ZSCAN29: variants seen among roughly 807,000 people sequenced by gnomAD.
The protein encoded by ZSCAN29 is zinc finger and SCAN domain-containing protein 29.
ZSCAN29 carries 55 observed loss-of-function variants against 71.9 expected under a neutral mutation model. That is an observed-to-expected ratio of 0.76 (90% CI 0.62 to 0.96). The LOEUF (loss-of-function observed/expected upper bound fraction) is 0.96. Ranked by LOEUF, ZSCAN29 falls within the 40% of genes least tolerant of loss-of-function variation. The pLI is 0.00. For missense variants in ZSCAN29, 1,042 were observed against 1,042.2 expected, an observed-to-expected ratio of 1.00 and a Z score of 0.00; for synonymous variants, 351 against 371.6, an observed-to-expected ratio of 0.94 and a Z score of 0.64.
At chr15:43,366,076 T>A (rs773301862) in intron 4 of ZSCAN29, 34 bp downstream of exon 4, 1 of 1,557,788 alleles carries the variant, frequency 6.4e-7, no homozygotes, top group Non-Finnish European at 8.7e-7. Flanking sequence ...TCCCCAAGTC[T>A]AATTCCAAAA....
At position 43,360,913 on chromosome 15, in the gene ZSCAN29, T is replaced by G; in HGVS notation, c.*160A>C. ...CATTCTTTAGACTGCCTTGGGGATT[T>G]GAGTCTAGATCAGGAAAAACAAGGA... On this transcript the variant is annotated 3_prime_UTR_variant, in exon 6 of 6. Transcript: ENST00000684362. The G allele has an allele frequency of 1.0e-6, 1 of 980,994 alleles. No individual in the cohort carries two copies. The highest frequency in any genetic ancestry group is 1.5e-6 in the Non-Finnish European group (1 of 667,028). 60.8% of individuals were successfully genotyped at this position (980,994 alleles called of 1,614,324 possible).
At position 43,361,362 on chromosome 15, in the gene ZSCAN29, G is replaced by A. The variant is rs1386282500; in HGVS notation, c.2270C>T (p.Thr757Ile). ...TTCACATTGATAGGGCTTTTCTCCT[G>A]TGTGGGTTCTCTGGTGAATGATAAG... ...SSLIIHQRTH[T>I]GEKPYQCEEC... The change falls in exon 6 of 6, where the codon ACA (threonine) becomes ATA (isoleucine). Residue 757 changes from threonine to isoleucine, a missense_variant. Transcript: ENST00000684362. 3.7e-6 allele frequency: 6 copies of A among 1,614,182 alleles called. No homozygotes were observed. The highest frequency in any genetic ancestry group is 1.1e-5 in the South Asian group (1 of 91,084).
chr15:43,368,525 CAAAAAAAAAAAAAAA>C lies in ZSCAN29; in HGVS notation c.523+383_523+397del, dbSNP rs759913932. Among the ~76,000 whole-genome samples, 6 of 10,226 alleles carry C rather than the reference CAAAAAAAAAAAAAAA, an allele frequency of 5.9e-4. 1 individual carries two copies. The highest frequency in any genetic ancestry group is 5.2e-3 in the Admixed American group (3 of 576). The allele number at this position is 10,226 out of a possible 152,430, so 6.7% of individuals were successfully genotyped here. On this transcript the variant is annotated intron_variant, in intron 3 of 5. Transcript: ENST00000684362. ...TGGGCGACAGAGCGAGACTCCGTCT[CAAAAAAAAAAAAAAA>C]AAAAAAAAAAAAAAAAAAGAATGGA...
Position 43,361,247 on chromosome 15 carries a change from A to C in ZSCAN29, c.2385T>G (p.Cys795Trp). The C allele has an allele frequency of 6.2e-7, 1 of 1,614,186 alleles. No homozygotes were observed. The highest frequency in any genetic ancestry group is 8.5e-7 in the Non-Finnish European group (1 of 1,180,034). The change falls in exon 6 of 6, where the codon TGT becomes TGG. Residue 795 changes from cysteine (C) to tryptophan (W), a missense_variant. Coordinates refer to ENST00000684362, the MANE Select transcript of ZSCAN29 (RefSeq NM_001372080.1). ...TGERPHVCPD[C>W]GKSFSKSSDL... Reference sequence around the variant, plus strand: ...CAGAACTCTTACTGAAACTCTTTCCACAGTCAGGACACACATGGGGTCTCT... The same window carrying C: ...CAGAACTCTTACTGAAACTCTTTCCCCAGTCAGGACACACATGGGGTCTCT...
At position 43,366,389 on chromosome 15, in the gene ZSCAN29, C is replaced by T. The variant is rs143066980; in HGVS notation, c.943G>A (p.Gly315Ser). Reference protein sequence around the residue: ...LQKSYRKVKSGHPPETCPFFE... With the variant: ...LQKSYRKVKSSHPPETCPFFE... ...AAGGGGCAGGTCTCAGGTGGGTGGC[C>T]GCTCTTGACTTTCCGATAGCTCTTC... Residue 315 changes from glycine to serine, a missense_variant, in exon 4 of 6, where the codon GGC (glycine) becomes AGC (serine). By Grantham distance (56) the Gly-to-Ser change is moderately conservative. Transcript: ENST00000684362. 1.7e-4 allele frequency: 273 copies of T among 1,613,968 alleles called. No homozygotes were observed. The highest frequency in any genetic ancestry group is 2.8e-4 in the Admixed American group (17 of 59,990).
At position 43,358,997 on chromosome 15, in the gene ZSCAN29, C is replaced by T. The variant is rs1271664089; in HGVS notation, c.*2076G>A. On this transcript the variant is annotated 3_prime_UTR_variant, in exon 6 of 6. Coordinates refer to ENST00000684362, the MANE Select transcript of ZSCAN29 (RefSeq NM_001372080.1). ...GCCTTCCTTACAGTCTATCCTTTGCCCTTTGTTCCATCTACACAAAACACC... is the reference window on the plus strand; with the variant it reads ...GCCTTCCTTACAGTCTATCCTTTGCTCTTTGTTCCATCTACACAAAACACC... The T allele has an allele frequency of 1.3e-5, 2 of 152,116 alleles. No homozygotes were observed. Among genetic ancestry groups the T allele is most frequent in the East Asian group, 1.9e-4 (1 of 5,188 alleles). The allele number at this position is 152,116 out of a possible 1,614,324, so 9.4% of individuals were successfully genotyped here.
Position 43,363,898 on chromosome 15 carries a change from T to C in ZSCAN29, c.1690+17A>G. 1 of 1,563,464 alleles carries C rather than the reference T, an allele frequency of 6.4e-7. No homozygotes were observed. The highest frequency in any genetic ancestry group is 8.7e-7 in the Non-Finnish European group (1 of 1,153,206). On this transcript the variant is annotated intron_variant, in intron 5 of 5. Coordinates refer to ENST00000684362, the MANE Select transcript of ZSCAN29 (RefSeq NM_001372080.1). Reference sequence around the variant, plus strand: ...CTTCCCTTTGTTATTTATACCATAATAGTGAAATAATCTTACCACGGGGGC... The same window carrying C: ...CTTCCCTTTGTTATTTATACCATAACAGTGAAATAATCTTACCACGGGGGC...
intron 2 of ZSCAN29, 126 bp from the exon 3 acceptor site, chr15:43,369,253 G>C: frequency 1.1e-6 from 1 of 942,632 alleles, no homozygotes; most frequent in Non-Finnish European, 1.5e-6. Context: ...GGGTGAGGGA[G>C]GTTAACGCGA....
Position 43,361,799 on chromosome 15 carries a change from A to G in ZSCAN29, c.1833T>C (p.Cys611=), listed in dbSNP as rs746726024. The G allele has an allele frequency of 3.1e-6, 5 of 1,614,064 alleles. No individual in the cohort carries two copies. Among genetic ancestry groups the G allele is most frequent in the East Asian group, 4.5e-5 (2 of 44,902 alleles). ...TCTTTGCCCACTGTCTTCCTGATCT[A>G]CAGTCACTCTCATTGCCTTTACCCT... ...LHQGKGNESD[C]RSGRQWAKTS... The change falls in exon 6 of 6, where the codon TGT becomes TGC. Residue 611 remains cysteine (C), a synonymous_variant. Coordinates refer to ENST00000684362, the MANE Select transcript of ZSCAN29 (RefSeq NM_001372080.1).
chr15:43,368,652 A>G (rs1488834373), intron 3 of ZSCAN29, among the ~76,000 whole-genome samples: 1 of 152,182 alleles, frequency 6.6e-6, no homozygotes, highest in Non-Finnish European at 1.5e-5. Flanking sequence ...TCAAGTATAG[A>G]AAAGAATTTT....
chr15:43,360,823 G>T lies in ZSCAN29; in HGVS notation c.*250C>A. The T allele has an allele frequency of 2.1e-6, 1 of 479,854 alleles. No homozygotes were observed. The highest frequency in any genetic ancestry group is 3.4e-5 in the South Asian group (1 of 29,732). 29.7% of individuals were successfully genotyped at this position (479,854 alleles called of 1,614,324 possible). On this transcript the variant is annotated 3_prime_UTR_variant, in exon 6 of 6. Coordinates refer to ENST00000684362, the MANE Select transcript of ZSCAN29 (RefSeq NM_001372080.1). The stretch of plus-strand genomic sequence containing the variant: ...ATATTAAGGGAACACCATAGGCACT[G>T]AGAGGGAAAAGATGTTATCCATCAA...
chr15:43,360,777 A>G lies in ZSCAN29; in HGVS notation c.*296T>C, dbSNP rs1041817744. The G allele has an allele frequency of 2.2e-5, 7 of 315,698 alleles. No homozygotes were observed. Among genetic ancestry groups the G allele is most frequent in the Non-Finnish European group, 3.5e-5 (6 of 170,362 alleles). 19.6% of individuals were successfully genotyped at this position (315,698 alleles called of 1,614,324 possible). On this transcript the variant is annotated 3_prime_UTR_variant, in exon 6 of 6. Coordinates refer to ENST00000684362, the MANE Select transcript of ZSCAN29 (RefSeq NM_001372080.1). ...GATGCTTATCAAATTCATAGGATCT[A>G]TTACCTTGTCCTCTGTGCTTATATT...
intron 2 of ZSCAN29, 124 bp downstream of exon 2, chr15:43,369,472 T>C (rs2044075091): frequency 1.8e-6 from 2 of 1,115,394 alleles, no homozygotes; most frequent in South Asian, 1.6e-5. Context: ...AAGTTACCTA[T>C]ACCAGACCAG....
Position 43,364,782 on chromosome 15 carries a change from G to A in ZSCAN29, c.1223-400C>T, listed in dbSNP as rs554259747. Among the ~76,000 whole-genome samples the A allele has an allele frequency of 2.9e-3, 434 of 151,604 alleles. 2 individuals carry two copies. The highest frequency in any genetic ancestry group is 0.01 in the African/African-American group (421 of 41,310). On this transcript the variant is annotated intron_variant, in intron 4 of 5. Coordinates refer to ENST00000684362, the MANE Select transcript of ZSCAN29 (RefSeq NM_001372080.1). Reference sequence around the variant, plus strand: ...GTGCACCTATAGTCCCAGCTACTTGGGAGGCTGAGGCATGAGAATCGAGAA... The same window carrying A: ...GTGCACCTATAGTCCCAGCTACTTGAGAGGCTGAGGCATGAGAATCGAGAA...
intron 1 of ZSCAN29, 95 bp downstream of exon 1, chr15:43,370,463 C>G (rs2044092619): frequency 6.6e-6 from 1 of 152,614 alleles, no homozygotes; most frequent in Admixed American, 6.5e-5. Flanking sequence ...CTGCACAACT[C>G]CCAAAGCCCA....
In ZSCAN29 at chr15:43,361,764, TC is replaced by T. The variant is rs775094737; in HGVS notation, c.1867del (p.Glu623ArgfsTer6). On this transcript the variant is annotated frameshift_variant, in exon 6 of 6. Transcript: ENST00000684362. LOFTEE classifies it high-confidence loss of function. Reference sequence around the variant, plus strand: ...CGGGAGTGTCAGTTTTCCTCTTTTCTCCCCTGAGGTCTTTGCCCACTGTCTT... The same window carrying T: ...CGGGAGTGTCAGTTTTCCTCTTTTCTCCCTGAGGTCTTTGCCCACTGTCTT... ...SGRQWAKTSG[E>X]KRGKLTLPEK... 10 of 1,614,094 alleles carry T rather than the reference TC, an allele frequency of 6.2e-6. No individual in the cohort carries two copies. The African/African-American group carries it at 1.3e-4, about 22-fold the overall frequency.
intron 4 of ZSCAN29, 65 bp downstream of exon 4, chr15:43,366,045 C>G (rs181941476): frequency 6.7e-7 from 1 of 1,500,978 alleles, no homozygotes; most frequent in South Asian, 1.3e-5. Context: ...AGCCTTCTGA[C>G]TCCACATCCA....
intron 3 of ZSCAN29, 130 bp from the exon 4 acceptor site, chr15:43,366,938 G>C: frequency 1.2e-6 from 1 of 849,322 alleles, no homozygotes; most frequent in Admixed American, 2.9e-5. Flanking sequence ...TTTTCAGAAA[G>C]TTCAGTGGGC....
At position 43,366,383 on chromosome 15, in the gene ZSCAN29, G is replaced by A; in HGVS notation, c.949C>T (p.Pro317Ser). The A allele has an allele frequency of 6.2e-7, 1 of 1,614,056 alleles. No individual in the cohort carries two copies. The highest frequency in any genetic ancestry group is 8.5e-7 in the Non-Finnish European group (1 of 1,180,034). Residue 317 changes from proline (P) to serine (S), a missense_variant, in exon 4 of 6, where the codon CCA (proline) becomes TCA (serine). Physicochemically the swap from Pro to Ser is moderately conservative, Grantham distance 74. Coordinates refer to ENST00000684362, the MANE Select transcript of ZSCAN29 (RefSeq NM_001372080.1). Reference protein sequence around the residue: ...KSYRKVKSGHPPETCPFFEEM... With the variant: ...KSYRKVKSGHSPETCPFFEEM... The stretch of plus-strand genomic sequence containing the variant: ...TCAAAGAAGGGGCAGGTCTCAGGTG[G>A]GTGGCCGCTCTTGACTTTCCGATAG...
Sources: gnomAD v4.1 joint callset for allele counts (sites outside exome capture counted in the v4.1 genomes callset) on GRCh38, gnomAD v4.1.1 for gene constraint, MANE v1.5 for transcripts, NCBI Gene and HGNC (gene_info 2026-07-23, HGNC 2026-07-21) for gene names.